DMD: variants seen among roughly 807,000 people sequenced by gnomAD.
DMD encodes the protein mutant dystrophin.
DMD carries 63 observed loss-of-function variants against 330.1 expected under a neutral mutation model. The ratio of observed to expected loss-of-function variants is 0.19; its 90% CI spans 0.16 to 0.24. The LOEUF is 0.24. Among genes scored for constraint, DMD ranks in the 10% least tolerant of loss-of-function variants. The probability of loss-of-function intolerance (pLI) is 1.00; values close to 1 mark genes in which losing one functional copy is unlikely to be tolerated. For synonymous variants in DMD, 1,223 were observed against 959.8 expected (o/e 1.27, Z -5.07); for missense variants, 3,344 against 2,684.1 (o/e 1.25, Z -5.43).
At chrX:33,242,138 G>C (rs2052596075) in intron 1 of DMD, among the ~76,000 whole-genome samples, 1 of 111,232 alleles carries the variant, frequency 9.0e-6, no homozygotes, top group Non-Finnish European at 1.9e-5. Flanking sequence ...TAAGTTATTG[G>C]GGTACAGGTG....
intron 1 of DMD, among the ~76,000 whole-genome samples, chrX:33,317,440 G>A (rs939476726): frequency 8.9e-6 from 1 of 111,739 alleles, no homozygotes; most frequent in Non-Finnish European, 1.9e-5. Context: ...GAAAATAACA[G>A]TGTTTTAAGT....
At chrX:32,649,001 A>G (rs2059955353) in intron 9 of DMD, among the ~76,000 whole-genome samples, 1 of 111,635 alleles carries the variant, frequency 9.0e-6, no homozygotes, top group Admixed American at 9.5e-5. Flanking sequence ...TATTTTTCCT[A>G]TGCTTCAATC....
intron 12 of DMD, among the ~76,000 whole-genome samples, chrX:32,598,995 T>C (rs2055883111): frequency 8.9e-6 from 1 of 111,969 alleles, no homozygotes; most frequent in South Asian, 3.7e-4. Flanking sequence ...TTTGATTTAA[T>C]GTTATTTCCA....
At chrX:31,266,206 A>C (rs61258338) in intron 62 of DMD, among the ~76,000 whole-genome samples, 22,992 of 82,339 alleles carry the variant, frequency 0.28, 5,103 homozygotes, top group African/African-American at 0.68. Context: ...AAAAATCCCC[A>C]CCCCCTGAAA....
chrX:32,823,820 A>C (rs767399557), intron 4 of DMD, among the ~76,000 whole-genome samples: 1 of 111,693 alleles, frequency 9.0e-6, no homozygotes, highest in South Asian at 3.8e-4. Context: ...GGTCTCTAAT[A>C]AACAATGGAG....
In DMD at chrX:32,396,848, T is replaced by A. The variant is rs182309508; in HGVS notation, c.4234-6667A>T. Among the ~76,000 whole-genome samples, 280 of 111,856 alleles carry A rather than the reference T, an allele frequency of 2.5e-3. 1 individual carries two copies. The highest frequency in any genetic ancestry group is 8.9e-3 in the African/African-American group (276 of 30,932). On this transcript the variant is annotated intron_variant, in intron 30 of 78. Coordinates refer to ENST00000357033, the MANE Select transcript of DMD (RefSeq NM_004006.3). ...ATTTAAATTGTAATTAACTTTTAGC[T>A]TGTACTTAGGATATCTTTTACCAGC...
At chrX:31,738,565 C>T (rs1603457539) in intron 51 of DMD, among the ~76,000 whole-genome samples, 1 of 112,025 alleles carries the variant, frequency 8.9e-6, no homozygotes, top group Non-Finnish European at 1.9e-5. Flanking sequence ...ATAGCATTCC[C>T]GCTGCTGGGT....
At chrX:32,444,199 G>A (rs931989764) in intron 27 of DMD, among the ~76,000 whole-genome samples, 1 of 110,326 alleles carries the variant, frequency 9.1e-6, no homozygotes, top group Non-Finnish European at 1.9e-5. Flanking sequence ...CTAGCCATTG[G>A]AATATTATGA....
At chrX:31,758,661 C>T in intron 51 of DMD, among the ~76,000 whole-genome samples, 1 of 111,191 alleles carries the variant, frequency 9.0e-6, no homozygotes, top group Non-Finnish European at 1.9e-5. Context: ...AAATAGCCAT[C>T]ATGATTAATT....
Position 31,170,824 on chromosome X carries a change from G to C in DMD, c.10395-1223C>G, listed in dbSNP as rs188152749. Among the ~76,000 whole-genome samples, 218 of 111,611 alleles carry C rather than the reference G, an allele frequency of 2.0e-3. 1 individual carries two copies. Among genetic ancestry groups the C allele is most frequent in the African/African-American group, 6.6e-3 (202 of 30,806 alleles). ...TTTTATGTCCTCAGAATAAGCTAAA[G>C]CTTATTTTAAAATAAAACAAAAGCA... On this transcript the variant is annotated intron_variant, in intron 73 of 78. Transcript: ENST00000357033.
chrX:31,486,748 T>C (rs965472177), intron 57 of DMD, among the ~76,000 whole-genome samples: 10 of 112,199 alleles, frequency 8.9e-5, no homozygotes, highest in African/African-American at 2.9e-4. Flanking sequence ...CTGTATTTAC[T>C]AGTTTTGCCA....
At chrX:32,688,618 A>G (rs983255851) in intron 9 of DMD, among the ~76,000 whole-genome samples, 4 of 111,517 alleles carry the variant, frequency 3.6e-5, no homozygotes, top group African/African-American at 1.3e-4. Context: ...TAATTATTTT[A>G]GCCACCCCAT....
At chrX:33,071,886 G>T (rs1001741741) in intron 1 of DMD, among the ~76,000 whole-genome samples, 1 of 111,526 alleles carries the variant, frequency 9.0e-6, no homozygotes, top group African/African-American at 3.3e-5. Context: ...TACATTTTTC[G>T]TAAAGATTCT....
chrX:32,398,596 T>A (rs1002133521), intron 30 of DMD, among the ~76,000 whole-genome samples: 1 of 111,483 alleles, frequency 9.0e-6, no homozygotes, highest in African/African-American at 3.3e-5. Context: ...AATAAAAAAT[T>A]GGACATTGTG....
chrX:32,707,727 G>T (rs748845436), intron 7 of DMD, among the ~76,000 whole-genome samples: 17 of 111,347 alleles, frequency 1.5e-4, no homozygotes, highest in Non-Finnish European at 2.8e-4. Context: ...CAAATATTTG[G>T]TATGTAACTT....
At chrX:33,082,448 G>T (rs2094944614) in intron 1 of DMD, among the ~76,000 whole-genome samples, 1 of 112,318 alleles carries the variant, frequency 8.9e-6, no homozygotes, top group South Asian at 3.6e-4. Flanking sequence ...AATCAGAAAA[G>T]AAACTTAATA....
chrX:32,381,367 C>T (rs16998284), intron 33 of DMD, among the ~76,000 whole-genome samples: 1,123 of 111,359 alleles, frequency 0.01, 15 homozygotes, highest in African/African-American at 0.034. Flanking sequence ...TTGATACCAA[C>T]ACCCTCAAAA....
chrX:32,301,492 A>G (rs1196603509), intron 42 of DMD, among the ~76,000 whole-genome samples: 1 of 110,882 alleles, frequency 9.0e-6, no homozygotes, highest in African/African-American at 3.3e-5. Flanking sequence ...AGACTTGGGT[A>G]CAAGTCATTG....
At chrX:31,322,214 G>A (rs7066813) in intron 62 of DMD, among the ~76,000 whole-genome samples, 38,111 of 110,597 alleles carry the variant, frequency 0.34, 5,849 homozygotes, top group African/African-American at 0.6. Context: ...CATCTTAGTC[G>A]GAAATAAAAA....
Sources: allele counts gnomAD v4.1 joint callset (sites outside exome capture counted in the v4.1 genomes callset), GRCh38; gene constraint gnomAD v4.1.1; transcripts MANE v1.5; gene names NCBI Gene and HGNC (gene_info 2026-07-23, HGNC 2026-07-21).